ATP2B4: variants seen among roughly 807,000 people sequenced by gnomAD.
ATP2B4 encodes plasma membrane calcium-transporting ATPase 4.
In ATP2B4, 39 loss-of-function variants were observed where a neutral mutation model predicts 110.3. The observed-to-expected ratio is 0.35, with a 90% CI of 0.27 to 0.46. ATP2B4 has a LOEUF of 0.46. ATP2B4 is among the 20% of genes least tolerant of loss of function. The pLI is 1.00. For missense variants in ATP2B4, 1,135 were observed against 1,530.9 expected (o/e 0.74, Z 4.32); for synonymous variants, 538 against 571.7 (o/e 0.94, Z 0.84).
rs1018909992 is a variant in ATP2B4, at chr1:203,741,090, T to C, written c.*1236T>C. On this transcript the variant is annotated 3_prime_UTR_variant, in exon 21 of 21. Coordinates refer to ENST00000357681, the MANE Select transcript of ATP2B4 (RefSeq NM_001684.5). ...GACCAGCTTCGACATTCTCTCCAGT[T>C]TCTGATTCTAATTTTTGCCACGTGT... 3 of 152,384 alleles carry C rather than the reference T, an allele frequency of 2.0e-5. No homozygotes were observed. Among genetic ancestry groups the C allele is most frequent in the African/African-American group, 7.2e-5 (3 of 41,456 alleles). The allele number at this position is 152,384 out of a possible 1,614,324, so 9.4% of individuals were successfully genotyped here.
At chr1:203,657,492 G>T in intron 1 of ATP2B4, 1 of 785,394 alleles carries the variant, frequency 1.3e-6, no homozygotes, top group Non-Finnish European at 2.3e-6. Flanking sequence ...AGCAGGTACT[G>T]CTCCCTGTGG....
At chr1:203,699,763 T>G (rs1665635970) in intron 4 of ATP2B4, 46 bp downstream of exon 4, 2 of 1,606,266 alleles carry the variant, frequency 1.2e-6, no homozygotes, top group Admixed American at 1.7e-5. Context: ...CCACCCCCAT[T>G]TAAGGGATAG....
intron 2 of ATP2B4, among the ~76,000 whole-genome samples, chr1:203,697,224 A>G (rs1454859060): frequency 6.6e-6 from 1 of 152,194 alleles, no homozygotes; most frequent in East Asian, 1.9e-4. Flanking sequence ...CCCACAAGTT[A>G]TAGTCTTAAA....
At chr1:203,711,430 CCTGCTG>C (rs1666006700) in intron 12 of ATP2B4, among the ~76,000 whole-genome samples, 1 of 152,066 alleles carries the variant, frequency 6.6e-6, no homozygotes, top group African/African-American at 2.4e-5. Context: ...TTTTTGAGTA[CCTGCTG>C]TGTGCTGATA....
At chr1:203,693,670 T>C (rs1382879272) in intron 2 of ATP2B4, among the ~76,000 whole-genome samples, 2 of 152,184 alleles carry the variant, frequency 1.3e-5, no homozygotes, top group African/African-American at 4.8e-5. Flanking sequence ...TTACCATCCC[T>C]GAGGCCAGGA....
chr1:203,642,080 T>C (rs976995613), intron 1 of ATP2B4, among the ~76,000 whole-genome samples: 1 of 152,024 alleles, frequency 6.6e-6, no homozygotes, highest in Non-Finnish European at 1.5e-5. Flanking sequence ...GTTTTGTTTT[T>C]GTTTTGTTTT....
intron 2 of ATP2B4, among the ~76,000 whole-genome samples, chr1:203,692,385 C>A (rs1464764661): frequency 6.6e-6 from 1 of 152,128 alleles, no homozygotes; most frequent in East Asian, 1.9e-4. Context: ...TTCCGTATTG[C>A]CCCGGCTGGT....
At position 203,633,739 on chromosome 1, in the gene ATP2B4, T is replaced by TAAATAAATAAAG. The variant is rs796705697; in HGVS notation, c.-465+6527_-465+6528insTAAAGAAATAAA. On this transcript the variant is annotated intron_variant, in intron 1 of 20. Coordinates refer to ENST00000357681, the MANE Select transcript of ATP2B4 (RefSeq NM_001684.5). Reference sequence around the variant, plus strand: ...ATAAATAAATAAATAAATAAATAAATAAATAAAGTAAATGCCAACTAATAA... The same window carrying TAAATAAATAAAG: ...ATAAATAAATAAATAAATAAATAAATAAATAAATAAAGAAATAAAGTAAATGCCAACTAATAA... Among the ~76,000 whole-genome samples, 162 of 151,574 alleles carry TAAATAAATAAAG rather than the reference T, an allele frequency of 1.1e-3. 6 individuals are homozygous for TAAATAAATAAAG. The South Asian group carries it at 0.033, about 31-fold the overall frequency.
intron 7 of ATP2B4, among the ~76,000 whole-genome samples, chr1:203,703,042 C>T (rs912878320): frequency 1.3e-5 from 2 of 152,200 alleles, no homozygotes; most frequent in African/African-American, 4.8e-5. Flanking sequence ...CCAGGTCCCA[C>T]TCTGTATCTC....
intron 18 of ATP2B4, among the ~76,000 whole-genome samples, chr1:203,723,107 T>C (rs372097775): frequency 6.6e-6 from 1 of 152,242 alleles, no homozygotes; most frequent in East Asian, 1.9e-4. Context: ...ATAAAAAGTG[T>C]TGTGCAACTC....
At chr1:203,658,190 C>G (rs746659299) in intron 1 of ATP2B4, among the ~76,000 whole-genome samples, 2 of 151,978 alleles carry the variant, frequency 1.3e-5, no homozygotes, top group Non-Finnish European at 2.9e-5. Flanking sequence ...GCAATGTCTC[C>G]AAGGTATGCC....
At chr1:203,639,224 A>G (rs545950403) in intron 1 of ATP2B4, among the ~76,000 whole-genome samples, 12 of 152,346 alleles carry the variant, frequency 7.9e-5, no homozygotes, top group South Asian at 6.2e-4. Context: ...GGGCGGGGCC[A>G]CCATAATGTG....
chr1:203,680,265 A>C (rs1287834124), intron 1 of ATP2B4, among the ~76,000 whole-genome samples: 1 of 152,058 alleles, frequency 6.6e-6, no homozygotes, highest in Non-Finnish European at 1.5e-5. Context: ...GGGCACATGG[A>C]GCTTATTGTT....
intron 1 of ATP2B4, among the ~76,000 whole-genome samples, chr1:203,673,925 T>C (rs11576343): frequency 0.74 from 112,742 of 152,010 alleles, 42,817 homozygotes; most frequent in Middle Eastern, 0.85. Flanking sequence ...ATGATTCTGC[T>C]GAAATTCGTT....
intron 9 of ATP2B4, among the ~76,000 whole-genome samples, chr1:203,707,449 A>ATT (rs200106928): frequency 3.3e-4 from 47 of 144,520 alleles, no homozygotes; most frequent in Admixed American, 9.7e-4. Context: ...GGTATCTTGG[A>ATT]TTTTTTTTTT....
At chr1:203,726,769 A>G (rs1327533771) in intron 19 of ATP2B4, among the ~76,000 whole-genome samples, 1 of 152,110 alleles carries the variant, frequency 6.6e-6, no homozygotes, top group Admixed American at 6.6e-5. Flanking sequence ...TTCAAACCCT[A>G]TGTACTGCTC....
At chr1:203,659,463 G>A (rs1488670929) in intron 1 of ATP2B4, among the ~76,000 whole-genome samples, 1 of 150,208 alleles carries the variant, frequency 6.7e-6, no homozygotes. Context: ...GAGCCCAGGA[G>A]TTTGAGACCA....
Position 203,722,700 on chromosome 1 carries a change from A to C in ATP2B4, c.3024+11A>C, listed in dbSNP as rs1441972072. Reference sequence around the variant, plus strand: ...ACATTCATCTGCCAGGTGAGATTCTATCTGCAGTTGGGGCAGGAGATCTGG... The same window carrying C: ...ACATTCATCTGCCAGGTGAGATTCTCTCTGCAGTTGGGGCAGGAGATCTGG... On this transcript the variant is annotated intron_variant, in intron 18 of 20. Coordinates refer to ENST00000357681, the MANE Select transcript of ATP2B4 (RefSeq NM_001684.5). 1 of 1,613,328 alleles carries C rather than the reference A, an allele frequency of 6.2e-7. No homozygotes were observed. The highest frequency in any genetic ancestry group is 1.7e-5 in the Admixed American group (1 of 60,020).
In ATP2B4 at chr1:203,700,887, G is replaced by T; in HGVS notation, c.865G>T (p.Val289Phe). The T allele has an allele frequency of 6.2e-7, 1 of 1,613,708 alleles. No homozygotes were observed. The highest frequency in any genetic ancestry group is 8.5e-7 in the Non-Finnish European group (1 of 1,179,746). The change falls in exon 6 of 21, where the codon GTC becomes TTC. Residue 289 changes from valine (V) to phenylalanine (F), a missense_variant. Val to Phe is a conservative substitution (Grantham distance 50). Around this residue, in one of 9 missense-constraint regions of ATP2B4, gnomAD observed 162 missense variants for 210.5 expected, o/e 0.77. Transcript: ENST00000357681. ...QTGIILTLLGVNEDDEGEKKK... is the reference protein window; with the variant it reads ...QTGIILTLLGFNEDDEGEKKK... The stretch of plus-strand genomic sequence containing the variant: ...TGGAATCATCCTTACTCTCTTGGGG[G>T]TCAATGAGGATGACGAAGGGGAGAA...
Sources: gnomAD v4.1 joint callset for allele counts (sites outside exome capture counted in the v4.1 genomes callset) on GRCh38, gnomAD v4.1.1 for gene constraint, gnomAD v4.1.1 regional missense constraint, MANE v1.5 for transcripts, NCBI Gene and HGNC (gene_info 2026-07-23, HGNC 2026-07-21) for gene names.